The following TLE4 variants were observed in gnomAD, a reference collection of about 807,000 sequenced individuals.
TLE4 encodes transducin-like enhancer protein 4.
Under a neutral mutation model 92.8 loss-of-function variants are expected in TLE4, and 8 were observed. The ratio of observed to expected loss-of-function variants is 0.09; its 90% CI spans 0.05 to 0.16. The LOEUF (loss-of-function observed/expected upper bound fraction) is 0.16. TLE4 is among the 10% of genes least tolerant of loss of function. The probability of loss-of-function intolerance (pLI) is 1.00; values close to 1 mark genes in which losing one functional copy is unlikely to be tolerated. For synonymous variants in TLE4, 371 were observed against 374.1 expected (o/e 0.99, Z 0.10); for missense variants, 675 against 997.6 (o/e 0.68, Z 4.36).
intron 8 of TLE4, among the ~76,000 whole-genome samples, chr9:79,693,397 T>C (rs1230483706): frequency 2.6e-5 from 4 of 152,172 alleles, no homozygotes. Context: ...GGTATCTGTT[T>C]TAGAAATGTT....
intron 8 of TLE4, among the ~76,000 whole-genome samples, chr9:79,659,384 A>G (rs985564414): frequency 2.0e-5 from 3 of 151,412 alleles, no homozygotes; most frequent in Non-Finnish European, 2.9e-5. Context: ...AAATGAACAC[A>G]TTATCTAAAT....
At chr9:79,676,154 T>G in intron 8 of TLE4, among the ~76,000 whole-genome samples, 1 of 152,164 alleles carries the variant, frequency 6.6e-6, no homozygotes, top group East Asian at 1.9e-4. Flanking sequence ...TGATGATCTG[T>G]TAATTGCCAG....
At chr9:79,708,858 G>T in intron 13 of TLE4, 72 bp downstream of exon 13, 1 of 1,480,858 alleles carries the variant, frequency 6.8e-7, no homozygotes, top group South Asian at 1.3e-5. Context: ...TTGCGACAGG[G>T]TCTCGCTCTG....
intron 8 of TLE4, among the ~76,000 whole-genome samples, chr9:79,701,922 G>A (rs1012306842): frequency 6.6e-6 from 1 of 152,172 alleles, no homozygotes; most frequent in African/African-American, 2.4e-5. Flanking sequence ...AATTTGTTGT[G>A]AGTGCTTTAC....
chr9:79,679,791 G>A (rs1467960787), intron 8 of TLE4, among the ~76,000 whole-genome samples: 2 of 152,134 alleles, frequency 1.3e-5, no homozygotes, highest in South Asian at 4.2e-4. Context: ...ATTAATTTTT[G>A]TGTAAGGTGT....
chr9:79,718,789 A>G lies in TLE4; in HGVS notation c.1408A>G (p.Ile470Val), dbSNP rs1051000006. The G allele has an allele frequency of 1.2e-6, 2 of 1,614,078 alleles. No homozygotes were observed. The highest frequency in any genetic ancestry group is 1.7e-6 in the Non-Finnish European group (2 of 1,180,018). ...QPVPFPPDAL[I>V]GPGIPRHARQ... Reference sequence around the variant, plus strand: ...TGTCCCTTTTCCACCCGACGCCCTCATCGGACCTGGAATCCCCCGGCATGC... The same window carrying G: ...TGTCCCTTTTCCACCCGACGCCCTCGTCGGACCTGGAATCCCCCGGCATGC... The change falls in exon 15 of 20, where the codon ATC (isoleucine) becomes GTC (valine). Residue 470 changes from isoleucine (I) to valine (V), a missense_variant. Physicochemically the swap from Ile to Val is conservative, Grantham distance 29. Around this residue, in one of 5 missense-constraint regions of TLE4, gnomAD observed 119 missense variants for 175.9 expected, o/e 0.68. Transcript: ENST00000376552.
chr9:79,573,290 G>A, intron 1 of TLE4: 10 of 1,030,922 alleles, frequency 9.7e-6, no homozygotes, highest in Non-Finnish European at 1.2e-5. Flanking sequence ...AGAGGGTGGC[G>A]GCCGCCTCCC....
At chr9:79,615,752 G>T (rs1033987133) in intron 5 of TLE4, among the ~76,000 whole-genome samples, 1 of 152,120 alleles carries the variant, frequency 6.6e-6, no homozygotes, top group South Asian at 2.1e-4. Flanking sequence ...CTTGAAGTGT[G>T]TCTGTATATG....
intron 8 of TLE4, chr9:79,704,578 T>TC (rs976924763): frequency 3.4e-6 from 2 of 591,636 alleles, no homozygotes; most frequent in East Asian, 5.8e-5. Context: ...CCATTATCTT[T>TC]CCCCCTTGTC....
intron 14 of TLE4, among the ~76,000 whole-genome samples, chr9:79,714,330 A>G (rs1383266066): frequency 2.0e-5 from 3 of 152,158 alleles, no homozygotes; most frequent in African/African-American, 4.8e-5. Flanking sequence ...ATAGCATTAC[A>G]TTGATTTTAA....
chr9:79,626,920 G>A (rs1458883348), intron 5 of TLE4, among the ~76,000 whole-genome samples: 3 of 152,164 alleles, frequency 2.0e-5, no homozygotes, highest in East Asian at 1.9e-4. Context: ...TCCTTCCGGT[G>A]TCTTCGCTAA....
At chr9:79,579,242 C>T (rs2038926511) in intron 4 of TLE4, among the ~76,000 whole-genome samples, 1 of 152,146 alleles carries the variant, frequency 6.6e-6, no homozygotes, top group Non-Finnish European at 1.5e-5. Context: ...AGTGTGGCTT[C>T]TAAATGGGTT....
intron 18 of TLE4, 67 bp from the exon 19 acceptor site, chr9:79,722,892 T>G: frequency 6.9e-7 from 1 of 1,459,258 alleles, no homozygotes; most frequent in Non-Finnish European, 9.5e-7. Context: ...TGGTGTTCTA[T>G]AAAGCAAATC....
chr9:79,643,853 T>C (rs749834684), intron 6 of TLE4, among the ~76,000 whole-genome samples: 4 of 152,122 alleles, frequency 2.6e-5, no homozygotes, highest in Non-Finnish European at 4.4e-5. Context: ...AAACAGTAAA[T>C]TTTAAGTTAT....
intron 8 of TLE4, among the ~76,000 whole-genome samples, chr9:79,676,046 A>G (rs917854454): frequency 2.6e-5 from 4 of 152,274 alleles, no homozygotes; most frequent in Middle Eastern, 3.4e-3. Context: ...AACTGATTAG[A>G]TAACAGGCAT....
intron 11 of TLE4, 137 bp downstream of exon 11, chr9:79,707,036 T>A: frequency 6.4e-7 from 1 of 1,567,432 alleles, no homozygotes; most frequent in South Asian, 1.1e-5. Flanking sequence ...GTATTTAAGT[T>A]TAATTGGCAA....
At chr9:79,677,584 A>C (rs1468815173) in intron 8 of TLE4, among the ~76,000 whole-genome samples, 1 of 150,146 alleles carries the variant, frequency 6.7e-6, no homozygotes, top group Non-Finnish European at 1.5e-5. Flanking sequence ...ATGGGTCCTG[A>C]TAACTTGTTA....
At chr9:79,686,316 A>G (rs576189210) in intron 8 of TLE4, among the ~76,000 whole-genome samples, 2 of 152,316 alleles carry the variant, frequency 1.3e-5, no homozygotes, top group African/African-American at 4.8e-5. Flanking sequence ...AACTTTTTTA[A>G]AAGCTTTGAA....
rs556227263 is a variant in TLE4 at position 79,581,342 on chromosome 9, A to G, written c.252+5165A>G. ...CCTGCACGGGAAGCAGATCTGGAGG[A>G]TGAAATTTAACCTGTTACAGTGTGT... On this transcript the variant is annotated intron_variant, in intron 4 of 19. Transcript: ENST00000376552. Among the ~76,000 whole-genome samples, 330 of 152,268 alleles carry G rather than the reference A, an allele frequency of 2.2e-3. 2 individuals carry two copies. Among genetic ancestry groups the G allele is most frequent in the African/African-American group, 7.6e-3 (314 of 41,540 alleles).
Sources: gnomAD v4.1 joint callset for allele counts (sites outside exome capture counted in the v4.1 genomes callset) on GRCh38, gnomAD v4.1.1 for gene constraint, gnomAD v4.1.1 regional missense constraint, MANE v1.5 for transcripts, NCBI Gene and HGNC (gene_info 2026-07-23, HGNC 2026-07-21) for gene names.